Variants in FNDC3A observed in about 807,000 individuals in gnomAD.
FNDC3A encodes the protein fibronectin type-III domain-containing protein 3A.
Under a neutral mutation model 148.9 loss-of-function variants are expected in FNDC3A, and 32 were observed. That is an observed-to-expected ratio of 0.21 (90% confidence interval 0.16 to 0.29). The LOEUF is 0.29. Among genes scored for constraint, FNDC3A ranks in the 10% least tolerant of loss-of-function variants. The pLI, the probability that FNDC3A is intolerant of heterozygous loss-of-function variation, is 1.00. For missense variants in FNDC3A, 1,191 were observed against 1,452.8 expected (o/e 0.82, Z 2.93); for synonymous variants, 472 against 473.6 (o/e 1.00, Z 0.04).
At chr13:48,999,763 G>A (rs3012136) in intron 1 of FNDC3A, among the ~76,000 whole-genome samples, 48,995 of 151,972 alleles carry the variant, frequency 0.32, 8,017 homozygotes, top group South Asian at 0.48. Context: ...CCCATGATGT[G>A]ATTAGTGTTC....
intron 3 of FNDC3A, among the ~76,000 whole-genome samples, chr13:49,106,266 T>G (rs1436040694): frequency 6.6e-6 from 1 of 152,210 alleles, no homozygotes; most frequent in Non-Finnish European, 1.5e-5. Flanking sequence ...ATCTTCCCCC[T>G]CACCATCAGC....
chr13:49,025,928 T>C (rs1354356906), intron 2 of FNDC3A, among the ~76,000 whole-genome samples: 1 of 152,188 alleles, frequency 6.6e-6, no homozygotes, highest in African/African-American at 2.4e-5. Flanking sequence ...CTTCTAAATA[T>C]TTCTCTTACA....
chr13:48,988,048 A>G (rs1422124447), intron 1 of FNDC3A: 1 of 152,228 alleles, frequency 6.6e-6, no homozygotes, highest in African/African-American at 2.4e-5. Context: ...ATAAAAAAAG[A>G]CAAAGAAGGG....
intron 14 of FNDC3A, among the ~76,000 whole-genome samples, chr13:49,179,760 A>G (rs1006014370): frequency 3.3e-5 from 5 of 152,252 alleles, no homozygotes; most frequent in Admixed American, 6.5e-5. Flanking sequence ...TCCTTTTGAC[A>G]TGTCTCTCAT....
At chr13:49,056,659 A>G (rs895537048) in intron 2 of FNDC3A, among the ~76,000 whole-genome samples, 6 of 151,934 alleles carry the variant, frequency 3.9e-5, no homozygotes, top group Admixed American at 6.6e-5. Context: ...TTTCCAGTTC[A>G]CCTGTTTTCT....
intron 8 of FNDC3A, among the ~76,000 whole-genome samples, chr13:49,160,302 T>A (rs1884011968): frequency 6.6e-6 from 1 of 152,194 alleles, no homozygotes; most frequent in African/African-American, 2.4e-5. Flanking sequence ...CAGAGCCTGT[T>A]ATTGGTCTAT....
chr13:49,167,046 A>C (rs1179520095), intron 8 of FNDC3A, among the ~76,000 whole-genome samples, 198 bp from the exon 9 acceptor site: 5 of 152,206 alleles, frequency 3.3e-5, no homozygotes, highest in African/African-American at 9.7e-5. Flanking sequence ...TTCTGTTTTA[A>C]AGTAGTATGC....
chr13:49,040,932 G>C (rs546832029), intron 2 of FNDC3A, among the ~76,000 whole-genome samples: 11 of 152,110 alleles, frequency 7.2e-5, no homozygotes, highest in Non-Finnish European at 1.6e-4. Context: ...AATATAACTA[G>C]TTTATAATTT....
chr13:49,091,203 A>G (rs1279177863), intron 3 of FNDC3A, among the ~76,000 whole-genome samples: 3 of 152,146 alleles, frequency 2.0e-5, no homozygotes, highest in South Asian at 4.1e-4. Context: ...ATTAGATTTA[A>G]ATGTCCAGTT....
At chr13:48,980,774 T>C (rs1418979970) in intron 1 of FNDC3A, among the ~76,000 whole-genome samples, 1 of 152,152 alleles carries the variant, frequency 6.6e-6, no homozygotes, top group Non-Finnish European at 1.5e-5. Flanking sequence ...ATCAATTGGC[T>C]GGGGCAACTG....
chr13:48,982,022 G>T (rs980486496), intron 1 of FNDC3A, among the ~76,000 whole-genome samples: 3 of 151,948 alleles, frequency 2.0e-5, no homozygotes, highest in African/African-American at 7.2e-5. Context: ...CTTCTCTAGG[G>T]GTTCTAAACA....
intron 7 of FNDC3A, among the ~76,000 whole-genome samples, chr13:49,139,979 T>C (rs1439198852): frequency 6.6e-6 from 1 of 152,164 alleles, no homozygotes; most frequent in Admixed American, 6.5e-5. Context: ...CTTAATAAGA[T>C]TGATGTTTGA....
intron 2 of FNDC3A, among the ~76,000 whole-genome samples, chr13:49,041,397 C>G (rs548700834): frequency 2.6e-5 from 4 of 152,202 alleles, no homozygotes; most frequent in Non-Finnish European, 4.4e-5. Flanking sequence ...TCCCAATTAT[C>G]TAGCACAAAA....
chr13:49,014,954 C>A (rs1952459452), intron 2 of FNDC3A, among the ~76,000 whole-genome samples: 1 of 150,924 alleles, frequency 6.6e-6, no homozygotes, highest in African/African-American at 2.4e-5. Context: ...TTCCATTGAT[C>A]TATATCTCTG....
chr13:49,088,794 G>A (rs1247894374), intron 3 of FNDC3A, among the ~76,000 whole-genome samples: 4 of 151,822 alleles, frequency 2.6e-5, no homozygotes, highest in Admixed American at 1.3e-4. Flanking sequence ...TGAACTCGTA[G>A]CCTCAAGTGA....
rs1387486358 is a variant in FNDC3A at position 49,154,178 on chromosome 13, A to G, written c.977+8243A>G. ...ATGGAATGTTCTTCCATTTGTTTGT[A>G]TCCTCTTTTATCTCATTGAGCAGTG... On this transcript the variant is annotated intron_variant, in intron 8 of 25. Transcript: ENST00000492622. Among the ~76,000 whole-genome samples, 433 of 149,592 alleles carry G rather than the reference A, an allele frequency of 2.9e-3. 7 individuals carry two copies. Among genetic ancestry groups the G allele is most frequent in the Middle Eastern group, 3.4e-3 (1 of 292 alleles).
In FNDC3A at chr13:49,160,945, A is replaced by G. The variant is rs888393232; in HGVS notation, c.978-6299A>G. On this transcript the variant is annotated intron_variant, in intron 8 of 25. Transcript: ENST00000492622. The stretch of plus-strand genomic sequence containing the variant: ...TTATGCGGTTTTGAGTGAGTTTCTT[A>G]ATCCTGAATTCTAATTTGATTGCAC... Among the ~76,000 whole-genome samples the G allele has an allele frequency of 3.9e-5, 6 of 152,326 alleles. No individual in the cohort carries two copies. The East Asian group carries it at 1.2e-3, about 29-fold the overall frequency.
At chr13:48,986,661 G>T (rs1418167968) in intron 1 of FNDC3A, among the ~76,000 whole-genome samples, 1 of 152,052 alleles carries the variant, frequency 6.6e-6, no homozygotes, top group Non-Finnish European at 1.5e-5. Context: ...CTCCCAAAGT[G>T]CTGGGATTAC....
chr13:48,977,835 T>C (rs951899242), intron 1 of FNDC3A, among the ~76,000 whole-genome samples: 1 of 152,178 alleles, frequency 6.6e-6, no homozygotes, highest in African/African-American at 2.4e-5. Context: ...TTTTACTATA[T>C]TGTCTTGTTT....
Sources: gnomAD v4.1 joint callset for allele counts (sites outside exome capture counted in the v4.1 genomes callset) on GRCh38, gnomAD v4.1.1 for gene constraint, MANE v1.5 for transcripts, NCBI Gene and HGNC (gene_info 2026-07-23, HGNC 2026-07-21) for gene names.